Variants in LRRC7 observed in about 807,000 individuals in gnomAD.
LRRC7 encodes leucine-rich repeat-containing protein 7.
Under a neutral mutation model 175.7 loss-of-function variants are expected in LRRC7, and 23 were observed. The ratio of observed to expected loss-of-function variants is 0.13; its 90% CI spans 0.09 to 0.19. The LOEUF (loss-of-function observed/expected upper bound fraction) is 0.19, where lower values mean the gene tolerates loss of function less well. Among genes scored for constraint, LRRC7 ranks in the 10% least tolerant of loss-of-function variants. The pLI, the probability that LRRC7 is intolerant of heterozygous loss-of-function variation, is 1.00. For synonymous variants in LRRC7, 685 were observed against 680.9 expected (o/e 1.01, Z -0.09); for missense variants, 1,354 against 1,904.7 (o/e 0.71, Z 5.38).
intron 7 of LRRC7, among the ~76,000 whole-genome samples, chr1:69,849,342 A>T (rs1253485462): frequency 6.6e-6 from 1 of 152,022 alleles, no homozygotes; most frequent in Non-Finnish European, 1.5e-5. Context: ...TTTTAATTAT[A>T]GTAAAAAGTC....
rs1305758247 is a variant in LRRC7, at chr1:70,038,181, C to T, written c.2357C>T (p.Pro786Leu). ...CTCAGCCAGCGGGAGGCTGTTCCCC[C>T]AGGCAATATACCACAGCGTCCTGAC... ...PLLSQREAVP[P>L]GNIPQRPDRL... is the part of the protein sequence containing the mutation. Residue 786 changes from proline (P) to leucine (L), a missense_variant, in exon 21 of 27, where the codon CCA (proline) becomes CTA (leucine). Pro to Leu is a moderately conservative substitution (Grantham distance 98, BLOSUM62 -3). Around this residue, in one of 4 missense-constraint regions of LRRC7, gnomAD observed 1,032 missense variants for 1,227.2 expected, o/e 0.84. Transcript: ENST00000651989. The T allele has an allele frequency of 1.9e-6, 3 of 1,613,974 alleles. No individual in the cohort carries two copies. Among genetic ancestry groups the T allele is most frequent in the Non-Finnish European group, 2.5e-6 (3 of 1,179,990 alleles).
intron 3 of LRRC7, among the ~76,000 whole-genome samples, chr1:69,781,711 GAA>G (rs1202042457): frequency 2.9e-4 from 8 of 27,612 alleles, no homozygotes; most frequent in African/African-American, 4.6e-4. Flanking sequence ...AAGAAAGAAA[GAA>G]AGAAAGAAAG....
intron 7 of LRRC7, among the ~76,000 whole-genome samples, chr1:69,845,279 T>C (rs900473260): frequency 6.6e-6 from 1 of 152,038 alleles, no homozygotes; most frequent in South Asian, 2.1e-4. Context: ...CTTAAATATG[T>C]GTAAAAAACA....
chr1:69,899,948 G>A (rs1229248179), intron 7 of LRRC7, among the ~76,000 whole-genome samples: 1 of 152,130 alleles, frequency 6.6e-6, no homozygotes, highest in Non-Finnish European at 1.5e-5. Context: ...CCAGTCCGTG[G>A]TATTCTGTTA....
In LRRC7 at chr1:69,638,609, C is replaced by A. The variant is rs1010428873; in HGVS notation, c.3-39772C>A. Among the ~76,000 whole-genome samples the A allele has an allele frequency of 3.3e-5, 5 of 151,578 alleles. No individual in the cohort carries two copies. The Admixed American group carries it at 3.3e-4, about 10-fold the overall frequency. On this transcript the variant is annotated intron_variant, in intron 1 of 26. Coordinates refer to ENST00000651989, the MANE Select transcript of LRRC7 (RefSeq NM_001370785.2). ...ATATCAATTAAGCCAAGAGCACTCA[C>A]CCCTAATCTGAAGAATCTGTAGAAC...
At chr1:69,758,022 C>T (rs1670625834) in intron 2 of LRRC7, among the ~76,000 whole-genome samples, 1 of 151,942 alleles carries the variant, frequency 6.6e-6, no homozygotes, top group Non-Finnish European at 1.5e-5. Flanking sequence ...GCTGCCACTA[C>T]CATAGTCTAT....
intron 8 of LRRC7, among the ~76,000 whole-genome samples, chr1:69,951,102 A>T (rs905586692): frequency 1.3e-4 from 20 of 152,148 alleles, no homozygotes; most frequent in African/African-American, 4.8e-4. Context: ...TTACAAAAAA[A>T]AAAACCATTA....
rs1303619428 is a variant in LRRC7 at position 70,134,845 on chromosome 1, A to G, written c.*12958A>G. ...TATCTCCTTAACAAATTTAAATTGT[A>G]CACAACAGTGCCACCCATTTTAAAG... is the stretch of plus-strand genomic sequence containing the variant. On this transcript the variant is annotated 3_prime_UTR_variant, in exon 27 of 27. Transcript: ENST00000651989. 2.0e-5 allele frequency among the ~76,000 whole-genome samples: 3 copies of G among 152,212 alleles called. No homozygotes were observed. The highest frequency in any genetic ancestry group is 4.4e-5 in the Non-Finnish European group (3 of 68,036).
chr1:69,708,440 C>G (rs1664307835), intron 2 of LRRC7, among the ~76,000 whole-genome samples: 1 of 152,114 alleles, frequency 6.6e-6, no homozygotes. Flanking sequence ...ACCTTAGTGC[C>G]TTTTTGAACG....
intron 2 of LRRC7, among the ~76,000 whole-genome samples, chr1:69,680,805 C>T (rs227106): frequency 0.73 from 110,058 of 151,710 alleles, 40,250 homozygotes; most frequent in South Asian, 0.8. Flanking sequence ...ATTTTAAATA[C>T]AAAATTCAGT....
chr1:70,028,064 C>A, intron 17 of LRRC7, 107 bp from the exon 18 acceptor site: 1 of 950,144 alleles, frequency 1.1e-6, no homozygotes, highest in Non-Finnish European at 1.6e-6. Context: ...CAGCTCAACA[C>A]TCACTGTATT....
chr1:69,804,263 A>G (rs1257753964), intron 4 of LRRC7, among the ~76,000 whole-genome samples: 1 of 151,388 alleles, frequency 6.6e-6, no homozygotes, highest in Non-Finnish European at 1.5e-5. Flanking sequence ...ATAAAAATAT[A>G]TATTCTTTTA....
At chr1:69,758,020 T>G (rs542445006) in intron 2 of LRRC7, among the ~76,000 whole-genome samples, 1 of 152,100 alleles carries the variant, frequency 6.6e-6, no homozygotes, top group African/African-American at 2.4e-5. Flanking sequence ...TCGCTGCCAC[T>G]ACCATAGTCT....
rs191453033 is a variant in LRRC7, at chr1:69,715,131, T to C, written c.100+36653T>C. 2.2e-4 allele frequency among the ~76,000 whole-genome samples: 34 copies of C among 152,242 alleles called. No individual in the cohort carries two copies. The East Asian group carries it at 5.4e-3, about 24-fold the overall frequency. ...AAGTAGATCTTGAAGTTTGCGGCCT[T>C]TTGATTTCCTTTTTTAAATTTTTAA... is the stretch of plus-strand genomic sequence containing the variant. On this transcript the variant is annotated intron_variant, in intron 2 of 26. Coordinates refer to ENST00000651989, the MANE Select transcript of LRRC7 (RefSeq NM_001370785.2).
At chr1:69,676,077 A>G (rs1413485744) in intron 1 of LRRC7, among the ~76,000 whole-genome samples, 1 of 151,758 alleles carries the variant, frequency 6.6e-6, no homozygotes, top group African/African-American at 2.4e-5. Context: ...GAATAGACTG[A>G]TTTCAGAAAG....
chr1:69,609,058 A>C (rs1648272495), intron 1 of LRRC7, among the ~76,000 whole-genome samples: 1 of 151,636 alleles, frequency 6.6e-6, no homozygotes, highest in Admixed American at 6.6e-5. Flanking sequence ...GGGATATTTG[A>C]AATATGAGCA....
intron 22 of LRRC7, among the ~76,000 whole-genome samples, chr1:70,044,673 T>G (rs990447116): frequency 1.3e-5 from 2 of 152,094 alleles, no homozygotes; most frequent in African/African-American, 4.8e-5. Flanking sequence ...AAGTAGCAAG[T>G]TTGCATGGTA....
At chr1:69,806,127 G>T (rs1011780910) in intron 4 of LRRC7, among the ~76,000 whole-genome samples, 1 of 151,872 alleles carries the variant, frequency 6.6e-6, no homozygotes, top group African/African-American at 2.4e-5. Context: ...AAGAATGAAC[G>T]TTACCTTGTT....
At chr1:69,629,473 C>T (rs750506080) in intron 1 of LRRC7, among the ~76,000 whole-genome samples, 6 of 152,096 alleles carry the variant, frequency 3.9e-5, no homozygotes, top group Non-Finnish European at 5.9e-5. Context: ...AATACCAACT[C>T]TTTGTAACCG....
Sources: gnomAD v4.1 joint callset for allele counts (sites outside exome capture counted in the v4.1 genomes callset) on GRCh38, gnomAD v4.1.1 for gene constraint, gnomAD v4.1.1 regional missense constraint, MANE v1.5 for transcripts, NCBI Gene and HGNC (gene_info 2026-07-23, HGNC 2026-07-21) for gene names.